Variants in ADM2 observed in about 807,000 individuals in gnomAD.
The protein encoded by ADM2 is adrenomedullin 2.
In ADM2, 5 loss-of-function variants were observed where a neutral mutation model predicts 7.1. The ratio of observed to expected loss-of-function variants is 0.71; its 90% CI spans 0.37 to 1.49. The LOEUF (loss-of-function observed/expected upper bound fraction) is 1.49, where lower values mean the gene tolerates loss of function less well. Among genes scored for constraint, ADM2 ranks in the 40% most tolerant of loss-of-function variants. ADM2 has a pLI of 0.03. For synonymous variants in ADM2, 123 were observed against 92.8 expected, an observed-to-expected ratio of 1.33 and a Z score of -1.87; for missense variants, 236 against 211.2, an observed-to-expected ratio of 1.12 and a Z score of -0.73.
At position 50,481,861 on chromosome 22, in the gene ADM2, C is replaced by T. The variant is rs1437117439; in HGVS notation, c.14C>T (p.Pro5Leu). The T allele has an allele frequency of 2.0e-5, 30 of 1,507,338 alleles. No homozygotes were observed. The highest frequency in any genetic ancestry group is 2.6e-5 in the Non-Finnish European group (29 of 1,133,726). 93.4% of individuals were successfully genotyped at this position (1,507,338 alleles called of 1,614,324 possible). ...GCCCCGCCCGCCATGGCCCGGATCC[C>T]GACGGCCGCCCTGGGTTGCATCAGC... MARI[P>L]TAALGCISLL... The change falls in exon 2 of 3, where the codon CCG (proline) becomes CTG (leucine). Residue 5 changes from proline (P) to leucine (L), a missense_variant. Transcript: ENST00000395737.
rs2068242945 is a variant in ADM2, at chr22:50,484,728, A to G, written c.*1825A>G. On this transcript the variant is annotated 3_prime_UTR_variant, in exon 3 of 3. Transcript: ENST00000395737. ...GTCAGGGCCAAGTGTTCCCTCCTCC[A>G]GGAAAGCCTTTACCCTCCTCATGCC... The G allele has an allele frequency of 6.6e-6, 1 of 152,400 alleles. No homozygotes were observed. The highest frequency in any genetic ancestry group is 2.1e-4 in the South Asian group (1 of 4,828). 9.4% of individuals were successfully genotyped at this position (152,400 alleles called of 1,614,324 possible). A position where few individuals can be genotyped will look rare whatever the true frequency, so the allele number is the denominator to read the frequency against.
chr22:50,482,427 C>T (rs1045396488), intron 2 of ADM2, 140 bp from the exon 3 acceptor site: 19 of 1,338,348 alleles, frequency 1.4e-5, no homozygotes, highest in East Asian at 5.6e-5. Context: ...TTCCCCTGGC[C>T]GTGCTCCAGG....
Position 50,483,401 on chromosome 22 carries a change from T to C in ADM2, c.*498T>C, listed in dbSNP as rs559075631. ...GGACAGGAGGGGGAGCGTGGGATGC[T>C]GTAGCCCCCGGGGTTGGGCAAGGGA... On this transcript the variant is annotated 3_prime_UTR_variant, in exon 3 of 3. Transcript: ENST00000395737. 30 of 405,424 alleles carry C rather than the reference T, an allele frequency of 7.4e-5. No homozygotes were observed. The East Asian group carries it at 2.2e-3, about 30-fold the overall frequency. 25.1% of individuals were successfully genotyped at this position (405,424 alleles called of 1,614,324 possible).
At position 50,481,901 on chromosome 22, in the gene ADM2, G is replaced by T; in HGVS notation, c.54G>T (p.Gln18His). The T allele has an allele frequency of 6.5e-7, 1 of 1,532,866 alleles. No individual in the cohort carries two copies. The highest frequency in any genetic ancestry group is 8.8e-7 in the Non-Finnish European group (1 of 1,142,670). 95.0% of individuals were successfully genotyped at this position (1,532,866 alleles called of 1,614,324 possible). Reference sequence around the variant, plus strand: ...GTTGCATCAGCCTCCTCTGCCTGCAGCTCCCTGGCTCGCTGTCCCGCAGCC... The same window carrying T: ...GTTGCATCAGCCTCCTCTGCCTGCATCTCCCTGGCTCGCTGTCCCGCAGCC... ...ALGCISLLCL[Q>H]LPGSLSRSLG... Residue 18 changes from glutamine (Q) to histidine (H), a missense_variant, in exon 2 of 3, where the codon CAG (glutamine) becomes CAT (histidine). By Grantham distance (24) the Gln-to-His change is conservative. Coordinates refer to ENST00000395737, the MANE Select transcript of ADM2 (RefSeq NM_001253845.2).
Position 50,482,746 on chromosome 22 carries a change from G to GC in ADM2, c.295dup (p.Arg99ProfsTer78). On this transcript the variant is annotated frameshift_variant, in exon 3 of 3. Coordinates refer to ENST00000395737, the MANE Select transcript of ADM2 (RefSeq NM_001253845.2). LOFTEE classifies it high-confidence loss of function. ...CACTCGGGCCCCCGAAGACACTCGG[G>GC]CCCCCGCAGGACCCAAGCCCAGCTC... 6.4e-6 allele frequency: 10 copies of GC among 1,550,832 alleles called. No homozygotes were observed. The highest frequency in any genetic ancestry group is 7.9e-6 in the Non-Finnish European group (9 of 1,139,124).
Position 50,482,727 on chromosome 22 carries a change from GGCCCCC to G in ADM2, c.273_278del (p.Pro92_Arg93del). On this transcript the variant is annotated inframe_deletion, in exon 3 of 3. Coordinates refer to ENST00000395737, the MANE Select transcript of ADM2 (RefSeq NM_001253845.2). ...CCGGGATGGTGGCCGCCAACACTCGGGCCCCCGAAGACACTCGGGCCCCCGCAGGAC... is the reference window on the plus strand; with the variant it reads ...CCGGGATGGTGGCCGCCAACACTCGGGAAGACACTCGGGCCCCCGCAGGAC... The G allele has an allele frequency of 7.8e-7, 1 of 1,280,854 alleles. No individual in the cohort carries two copies. The highest frequency in any genetic ancestry group is 1.1e-6 in the Non-Finnish European group (1 of 944,052). The allele number at this position is 1,280,854 out of a possible 1,614,324, so 79.3% of individuals were successfully genotyped here.
At chr22:50,482,018 G>T in intron 2 of ADM2, 61 bp downstream of exon 2, 1 of 1,416,808 alleles carries the variant, frequency 7.1e-7, no homozygotes. Context: ...AGAGTGCCGG[G>T]GGCCGCGGGG....
At position 50,485,672 on chromosome 22, in the gene ADM2, CAAGG is replaced by C. The variant is rs1382309128; in HGVS notation, c.*2775_*2778del. 3 of 152,378 alleles carry C rather than the reference CAAGG, an allele frequency of 2.0e-5. No individual in the cohort carries two copies. Among genetic ancestry groups the C allele is most frequent in the African/African-American group, 4.8e-5 (2 of 41,452 alleles). The allele number at this position is 152,378 out of a possible 1,614,324, so 9.4% of individuals were successfully genotyped here. On this transcript the variant is annotated 3_prime_UTR_variant, in exon 3 of 3. Coordinates refer to ENST00000395737, the MANE Select transcript of ADM2 (RefSeq NM_001253845.2). ...GTGCTGAGTGCCACAGGAAGTCAGA[CAAGG>C]AAGGAGAGTGTGGGGCAGGTGCCGT...
At position 50,481,902 on chromosome 22, in the gene ADM2, C is replaced by A; in HGVS notation, c.55C>A (p.Leu19Ile). Reference sequence around the variant, plus strand: ...TTGCATCAGCCTCCTCTGCCTGCAGCTCCCTGGCTCGCTGTCCCGCAGCCT... The same window carrying A: ...TTGCATCAGCCTCCTCTGCCTGCAGATCCCTGGCTCGCTGTCCCGCAGCCT... ...LGCISLLCLQLPGSLSRSLGG... is the reference protein window; with the variant it reads ...LGCISLLCLQIPGSLSRSLGG... The change falls in exon 2 of 3, where the codon CTC (leucine) becomes ATC (isoleucine). Residue 19 changes from leucine to isoleucine, a missense_variant. Coordinates refer to ENST00000395737, the MANE Select transcript of ADM2 (RefSeq NM_001253845.2). 1 of 1,533,520 alleles carries A rather than the reference C, an allele frequency of 6.5e-7. No homozygotes were observed. Among genetic ancestry groups the A allele is most frequent in the Non-Finnish European group, 8.7e-7 (1 of 1,142,924 alleles). The allele number at this position is 1,533,520 out of a possible 1,614,324, so 95.0% of individuals were successfully genotyped here.
At position 50,482,642 on chromosome 22, in the gene ADM2, T is replaced by C; in HGVS notation, c.186T>C (p.Leu62=). 1.3e-6 allele frequency: 2 copies of C among 1,551,526 alleles called. No homozygotes were observed. Among genetic ancestry groups the C allele is most frequent in the Non-Finnish European group, 1.7e-6 (2 of 1,146,856 alleles). Residue 62 remains leucine (L), a synonymous_variant, in exon 3 of 3, where the codon CTT becomes CTC. Coordinates refer to ENST00000395737, the MANE Select transcript of ADM2 (RefSeq NM_001253845.2). ...HPAPRPVVWK[L]HRALQAQRGA... ...CACCCCGACCTGTGGTCTGGAAGCT[T>C]CACCGGGCCCTCCAGGCACAGAGGG...
Position 50,484,295 on chromosome 22 carries a change from G to GGACC in ADM2, c.*1392_*1393insGACC, listed in dbSNP as rs2068237176. 6.5e-6 allele frequency: 1 copy of GGACC among 152,878 alleles called. No homozygotes were observed. 9.5% of individuals were successfully genotyped at this position (152,878 alleles called of 1,614,324 possible). ...GTGCACTGAGAGATGTACTAGGATTGCAGCAAAGGTGGTCAGGGTGATGGG... is the reference window on the plus strand; with the variant it reads ...GTGCACTGAGAGATGTACTAGGATTGGACCCAGCAAAGGTGGTCAGGGTGATGGG... On this transcript the variant is annotated 3_prime_UTR_variant, in exon 3 of 3. Coordinates refer to ENST00000395737, the MANE Select transcript of ADM2 (RefSeq NM_001253845.2).
In ADM2 at chr22:50,483,587, A is replaced by C. The variant is rs2068226198; in HGVS notation, c.*684A>C. 2 of 310,282 alleles carry C rather than the reference A, an allele frequency of 6.4e-6. No individual in the cohort carries two copies. The highest frequency in any genetic ancestry group is 1.3e-5 in the Non-Finnish European group (2 of 156,234). 19.2% of individuals were successfully genotyped at this position (310,282 alleles called of 1,614,324 possible). On this transcript the variant is annotated 3_prime_UTR_variant, in exon 3 of 3. Transcript: ENST00000395737. Reference sequence around the variant, plus strand: ...AGGAGCCACCCCAAACCATTCTGGGACAGGGACACCCCTTTCTACCCCAGG... The same window carrying C: ...AGGAGCCACCCCAAACCATTCTGGGCCAGGGACACCCCTTTCTACCCCAGG...
In ADM2 at chr22:50,482,473, A is replaced by T. The variant is rs1162112581; in HGVS notation, c.111-94A>T. 52 of 1,413,140 alleles carry T rather than the reference A, an allele frequency of 3.7e-5. No individual in the cohort carries two copies. In the East Asian group the frequency reaches 8.2e-4, roughly 22 times the overall value. The allele number at this position is 1,413,140 out of a possible 1,614,324, so 87.5% of individuals were successfully genotyped here. ...ATGGGGGCTGTGGGCTTCCCCTGGC[A>T]GTGACCCAGGCCTGTGTAGAGGCAA... On this transcript the variant is annotated intron_variant, in intron 2 of 2. Coordinates refer to ENST00000395737, the MANE Select transcript of ADM2 (RefSeq NM_001253845.2).
At chr22:50,482,320 G>A (rs1468235442) in intron 2 of ADM2, among the ~76,000 whole-genome samples, 3 of 152,176 alleles carry the variant, frequency 2.0e-5, no homozygotes, top group Non-Finnish European at 2.9e-5. Flanking sequence ...AGGCTGGGCC[G>A]CCGGGGTGCC....
In ADM2 at chr22:50,482,742, T is replaced by C. The variant is rs1569515964; in HGVS notation, c.286T>C (p.Ser96Pro). 1 of 1,484,360 alleles carries C rather than the reference T, an allele frequency of 6.7e-7. No individual in the cohort carries two copies. The highest frequency in any genetic ancestry group is 9.2e-7 in the Non-Finnish European group (1 of 1,083,734). The allele number at this position is 1,484,360 out of a possible 1,614,324, so 91.9% of individuals were successfully genotyped here. ...GRQHSGPRRH[S>P]GPRRTQAQLL... ...CCAACACTCGGGCCCCCGAAGACACTCGGGCCCCCGCAGGACCCAAGCCCA... is the reference window on the plus strand; with the variant it reads ...CCAACACTCGGGCCCCCGAAGACACCCGGGCCCCCGCAGGACCCAAGCCCA... Residue 96 changes from serine (S) to proline (P), a missense_variant, in exon 3 of 3, where the codon TCG becomes CCG. By Grantham distance (74) the Ser-to-Pro change is moderately conservative. Coordinates refer to ENST00000395737, the MANE Select transcript of ADM2 (RefSeq NM_001253845.2).
At position 50,483,391 on chromosome 22, in the gene ADM2, C is replaced by T. The variant is rs1418600517; in HGVS notation, c.*488C>T. 3 of 415,084 alleles carry T rather than the reference C, an allele frequency of 7.2e-6. No homozygotes were observed. Among genetic ancestry groups the T allele is most frequent in the Non-Finnish European group, 1.5e-5 (3 of 200,278 alleles). The allele number at this position is 415,084 out of a possible 1,614,324, so 25.7% of individuals were successfully genotyped here. A position where few individuals can be genotyped will look rare whatever the true frequency, so the allele number is the denominator to read the frequency against. On this transcript the variant is annotated 3_prime_UTR_variant, in exon 3 of 3. Transcript: ENST00000395737. ...CCTGCCTGTGGGACAGGAGGGGGAG[C>T]GTGGGATGCTGTAGCCCCCGGGGTT...
chr22:50,482,046 C>T lies in ADM2; in HGVS notation c.110+89C>T, dbSNP rs534020877. Reference sequence around the variant, plus strand: ...CCGCGGGGCCGCCCTCCCTCCACGCCTCCACCTGCTGCTAGGACTCCCCTC... The same window carrying T: ...CCGCGGGGCCGCCCTCCCTCCACGCTTCCACCTGCTGCTAGGACTCCCCTC... On this transcript the variant is annotated intron_variant, in intron 2 of 2. Coordinates refer to ENST00000395737, the MANE Select transcript of ADM2 (RefSeq NM_001253845.2). 19 of 1,195,646 alleles carry T rather than the reference C, an allele frequency of 1.6e-5. No homozygotes were observed. The East Asian group carries it at 5.5e-4, about 35-fold the overall frequency. 74.1% of individuals were successfully genotyped at this position (1,195,646 alleles called of 1,614,324 possible).
At position 50,484,717 on chromosome 22, in the gene ADM2, T is replaced by C. The variant is rs535322098; in HGVS notation, c.*1814T>C. 2 of 152,396 alleles carry C rather than the reference T, an allele frequency of 1.3e-5. No individual in the cohort carries two copies. Among genetic ancestry groups the C allele is most frequent in the East Asian group, 3.9e-4 (2 of 5,158 alleles). 9.4% of individuals were successfully genotyped at this position (152,396 alleles called of 1,614,324 possible). ...GCCTGCCTGTGGTCAGGGCCAAGTGTTCCCTCCTCCAGGAAAGCCTTTACC... is the reference window on the plus strand; with the variant it reads ...GCCTGCCTGTGGTCAGGGCCAAGTGCTCCCTCCTCCAGGAAAGCCTTTACC... On this transcript the variant is annotated 3_prime_UTR_variant, in exon 3 of 3. Coordinates refer to ENST00000395737, the MANE Select transcript of ADM2 (RefSeq NM_001253845.2).
rs1271532681 is a variant in ADM2, at chr22:50,481,701, G to A, written c.-74G>A. The A allele has an allele frequency of 7.6e-6, 3 of 394,832 alleles. No individual in the cohort carries two copies. The highest frequency in any genetic ancestry group is 4.5e-5 in the East Asian group (1 of 22,430). 24.5% of individuals were successfully genotyped at this position (394,832 alleles called of 1,614,324 possible). A position where few individuals can be genotyped will look rare whatever the true frequency, so the allele number is the denominator to read the frequency against. ...TCGCGCCCGAGGCCTGCGCCCCGAC[G>A]GACGCCCGTGCCCAGCTTGCCACGC... is the stretch of plus-strand genomic sequence containing the variant. On this transcript the variant is annotated 5_prime_UTR_variant, in exon 1 of 3. Transcript: ENST00000395737.
Sources: gnomAD v4.1 joint callset for allele counts (sites outside exome capture counted in the v4.1 genomes callset) on GRCh38, gnomAD v4.1.1 for gene constraint, MANE v1.5 for transcripts, NCBI Gene and HGNC (gene_info 2026-07-23, HGNC 2026-07-21) for gene names.